The following ATP8A1 variants were observed in gnomAD, a reference collection of about 807,000 sequenced individuals.
ATP8A1 encodes the protein phospholipid-transporting ATPase IA.
ATP8A1 carries 90 observed loss-of-function variants against 177.7 expected under a neutral mutation model. The observed-to-expected ratio is 0.51, with a 90% CI of 0.43 to 0.60. The LOEUF (loss-of-function observed/expected upper bound fraction) is 0.60, where lower values mean the gene tolerates loss of function less well. ATP8A1 is among the 20% of genes least tolerant of loss of function. The pLI is 0.00. For synonymous variants in ATP8A1, 493 were observed against 485.9 expected, an observed-to-expected ratio of 1.01 and a Z score of -0.19; for missense variants, 1,072 against 1,392.8, an observed-to-expected ratio of 0.77 and a Z score of 3.67.
At chr4:42,639,490 T>G (rs1014864822) in intron 1 of ATP8A1, among the ~76,000 whole-genome samples, 1 of 152,138 alleles carries the variant, frequency 6.6e-6, no homozygotes, top group Non-Finnish European at 1.5e-5. Flanking sequence ...TCAAGGATAA[T>G]CATCTTAAGA....
chr4:42,638,416 C>T (rs1739604913), intron 1 of ATP8A1, among the ~76,000 whole-genome samples: 1 of 152,166 alleles, frequency 6.6e-6, no homozygotes, highest in South Asian at 2.1e-4. Flanking sequence ...CTAAAGAGTA[C>T]TCCTGACATT....
intron 1 of ATP8A1, among the ~76,000 whole-genome samples, chr4:42,641,502 C>CTT (rs71648739): frequency 6.8e-6 from 1 of 147,490 alleles, no homozygotes; most frequent in Non-Finnish European, 1.5e-5. Context: ...TTTTAAATTT[C>CTT]TTTTTTTTTT....
chr4:42,555,588 G>C (rs538466681), intron 16 of ATP8A1, among the ~76,000 whole-genome samples: 44 of 152,252 alleles, frequency 2.9e-4, no homozygotes, highest in Middle Eastern at 3.4e-3. Context: ...ACTTTGGGAG[G>C]CTGAGGGGGT....
intron 33 of ATP8A1, among the ~76,000 whole-genome samples, chr4:42,429,398 G>A (rs376045548): frequency 7.7e-6 from 1 of 129,128 alleles, no homozygotes; most frequent in African/African-American, 2.6e-5. Flanking sequence ...TTTTTTTTTT[G>A]TGGTTGTGGG....
At chr4:42,420,035 GCTAA>G (rs966225594) in intron 35 of ATP8A1, among the ~76,000 whole-genome samples, 69 of 151,922 alleles carry the variant, frequency 4.5e-4, no homozygotes, top group African/African-American at 1.5e-3. Context: ...AAAAAAAACT[GCTAA>G]CTTTTTTTGA....
intron 25 of ATP8A1, among the ~76,000 whole-genome samples, chr4:42,474,068 T>C (rs938337618): frequency 6.6e-6 from 1 of 152,102 alleles, no homozygotes; most frequent in African/African-American, 2.4e-5. Flanking sequence ...AACTACCTAG[T>C]GGAAGGTGGA....
At position 42,536,016 on chromosome 4, in the gene ATP8A1, A is replaced by G. The variant is rs534419152; in HGVS notation, c.1722+7901T>C. Among the ~76,000 whole-genome samples the G allele has an allele frequency of 2.6e-5, 4 of 152,324 alleles. No homozygotes were observed. The East Asian group carries it at 7.7e-4, about 29-fold the overall frequency. ...ATGTCTACATCAAAAAGTCTGAAAG[A>G]GCACAAACAGACAATCTAAGGTCAC... On this transcript the variant is annotated intron_variant, in intron 20 of 36. Transcript: ENST00000381668.
intron 3 of ATP8A1, 49 bp from the exon 4 acceptor site, chr4:42,624,683 T>A (rs774223784): frequency 9.7e-7 from 1 of 1,029,142 alleles, no homozygotes; most frequent in South Asian, 2.4e-5. Flanking sequence ...ACTAGAAAAT[T>A]TATAATAGAT....
In ATP8A1 at chr4:42,579,877, A is replaced by G; in HGVS notation, c.936T>C (p.Cys312=). The G allele has an allele frequency of 6.2e-7, 1 of 1,613,978 alleles. No homozygotes were observed. The highest frequency in any genetic ancestry group is 1.1e-5 in the South Asian group (1 of 91,040). Residue 312 remains cysteine (C), a synonymous_variant, in exon 11 of 37, where the codon TGT becomes TGC. Coordinates refer to ENST00000381668, the MANE Select transcript of ATP8A1 (RefSeq NM_006095.2). The stretch of plus-strand genomic sequence containing the variant: ...GATTCCAAATGGCTGAGCCCACAGA[A>G]CAGACAAGAGACATGGCAATTAAGA... The part of the protein sequence containing the change: ...FCILIAMSLV[C]SVGSAIWNRR...
At chr4:42,534,834 A>G (rs973180623) in intron 20 of ATP8A1, among the ~76,000 whole-genome samples, 6 of 152,242 alleles carry the variant, frequency 3.9e-5, no homozygotes, top group African/African-American at 1.4e-4. Context: ...CCTGCAAGTT[A>G]GAAGGAATTG....
At chr4:42,476,974 T>C (rs1334557550) in intron 25 of ATP8A1, among the ~76,000 whole-genome samples, 1 of 152,256 alleles carries the variant, frequency 6.6e-6, no homozygotes, top group Non-Finnish European at 1.5e-5. Context: ...GTTTGATATA[T>C]ATCAATTATT....
intron 5 of ATP8A1, among the ~76,000 whole-genome samples, chr4:42,607,632 GT>G (rs34714525): frequency 0.51 from 75,462 of 146,750 alleles, 19,730 homozygotes; most frequent in South Asian, 0.59. Flanking sequence ...GATTCTACAG[GT>G]TTTTTTTTTT....
chr4:42,514,463 C>T (rs1725322174), intron 22 of ATP8A1, among the ~76,000 whole-genome samples: 1 of 152,092 alleles, frequency 6.6e-6, no homozygotes, highest in African/African-American at 2.4e-5. Flanking sequence ...ATTCTAACGG[C>T]CAGTTGAGGG....
intron 6 of ATP8A1, among the ~76,000 whole-genome samples, chr4:42,593,357 T>C (rs934038929): frequency 6.6e-6 from 1 of 152,028 alleles, no homozygotes; most frequent in Admixed American, 6.6e-5. Flanking sequence ...CTATATTATT[T>C]TTTCTGAAAA....
intron 35 of ATP8A1, among the ~76,000 whole-genome samples, chr4:42,416,733 C>G (rs1713286464): frequency 1.3e-5 from 2 of 152,100 alleles, no homozygotes; most frequent in South Asian, 4.1e-4. Context: ...CAGTACTTAA[C>G]TCTCAGGCAG....
chr4:42,435,450 CA>C (rs11306070), intron 33 of ATP8A1, among the ~76,000 whole-genome samples: 36,499 of 117,452 alleles, frequency 0.31, 5,461 homozygotes, highest in African/African-American at 0.37. Context: ...AAAAAAAAAA[CA>C]AAAAAAAAAA....
chr4:42,418,141 T>C (rs1713455992), intron 35 of ATP8A1, among the ~76,000 whole-genome samples: 1 of 151,904 alleles, frequency 6.6e-6, no homozygotes, highest in Non-Finnish European at 1.5e-5. Flanking sequence ...GAGAGAGCAC[T>C]GTCACCATCT....
intron 25 of ATP8A1, among the ~76,000 whole-genome samples, chr4:42,479,754 G>A (rs1454172857): frequency 6.6e-6 from 1 of 152,126 alleles, no homozygotes; most frequent in Non-Finnish European, 1.5e-5. Flanking sequence ...TTCAAAGTTA[G>A]TATGAAACAA....
chr4:42,486,266 C>A (rs931767480), intron 24 of ATP8A1, among the ~76,000 whole-genome samples: 1 of 152,156 alleles, frequency 6.6e-6, no homozygotes, highest in East Asian at 1.9e-4. Context: ...CAAAGGAAGG[C>A]GGAAGTAACT....
Sources: gnomAD v4.1 joint callset for allele counts (sites outside exome capture counted in the v4.1 genomes callset) on GRCh38, gnomAD v4.1.1 for gene constraint, MANE v1.5 for transcripts, NCBI Gene and HGNC (gene_info 2026-07-23, HGNC 2026-07-21) for gene names.